Variants in PIP5K1B observed in about 807,000 individuals in gnomAD.
The protein encoded by PIP5K1B is phosphatidylinositol-4-phosphate 5-kinase type 1 beta, also known as phosphatidylinositol 4-phosphate 5-kinase type-1 beta.
In PIP5K1B, 42 loss-of-function variants were observed where a neutral mutation model predicts 67.0. That is an observed-to-expected ratio of 0.63 (90% CI 0.49 to 0.81). PIP5K1B has a LOEUF of 0.81. PIP5K1B is among the 30% of genes least tolerant of loss of function. The probability of loss-of-function intolerance (pLI) is 0.00; values close to 1 mark genes in which losing one functional copy is unlikely to be tolerated. For missense variants in PIP5K1B, 459 were observed against 646.3 expected, an observed-to-expected ratio of 0.71 and a Z score of 3.14; for synonymous variants, 214 against 231.4, an observed-to-expected ratio of 0.92 and a Z score of 0.68.
At chr9:68,807,285 G>C (rs865984112) in intron 2 of PIP5K1B, among the ~76,000 whole-genome samples, 1 of 152,242 alleles carries the variant, frequency 6.6e-6, no homozygotes, top group South Asian at 2.1e-4. Context: ...ATTTACATTT[G>C]TGCCTAGTTT....
chr9:68,739,136 C>A (rs766623642), intron 1 of PIP5K1B, among the ~76,000 whole-genome samples: 4 of 152,182 alleles, frequency 2.6e-5, no homozygotes, highest in African/African-American at 9.6e-5. Context: ...ATCTTTATGA[C>A]CATTTAATTT....
At chr9:68,957,186 A>G (rs1246491851) in intron 14 of PIP5K1B, among the ~76,000 whole-genome samples, 3 of 152,038 alleles carry the variant, frequency 2.0e-5, no homozygotes, top group South Asian at 4.2e-4. Flanking sequence ...ATAGCTTCAG[A>G]CATCACGTCC....
chr9:68,866,958 A>G (rs1240593634), intron 5 of PIP5K1B, among the ~76,000 whole-genome samples: 1 of 152,312 alleles, frequency 6.6e-6, no homozygotes, highest in Non-Finnish European at 1.5e-5. Context: ...AAACCAAAAA[A>G]TCAAATTGAC....
intron 14 of PIP5K1B, among the ~76,000 whole-genome samples, chr9:68,962,005 C>G (rs958543947): frequency 1.3e-5 from 2 of 152,162 alleles, no homozygotes; most frequent in African/African-American, 4.8e-5. Context: ...AATTCTTCAG[C>G]CTTTTGAGAG....
chr9:68,813,841 A>T (rs1160279098), intron 2 of PIP5K1B, among the ~76,000 whole-genome samples: 2 of 152,220 alleles, frequency 1.3e-5, no homozygotes, highest in East Asian at 3.8e-4. Flanking sequence ...GGAAGAATTC[A>T]ATCGAGTCTC....
chr9:68,800,110 T>G (rs1021750685), intron 2 of PIP5K1B, among the ~76,000 whole-genome samples: 1 of 152,216 alleles, frequency 6.6e-6, no homozygotes. Context: ...AAAACATACA[T>G]GAGCCTGGCC....
chr9:68,745,215 G>A (rs1829231517), intron 2 of PIP5K1B, among the ~76,000 whole-genome samples: 2 of 152,294 alleles, frequency 1.3e-5, no homozygotes, highest in African/African-American at 4.8e-5. Context: ...AGGGGGAGAA[G>A]CAGGGAGGGG....
intron 2 of PIP5K1B, among the ~76,000 whole-genome samples, chr9:68,797,812 C>CGTTTTGTTTT (rs61645708): frequency 0.012 from 1,796 of 151,288 alleles, 32 homozygotes; most frequent in African/African-American, 0.035. Flanking sequence ...TCACTGTGCC[C>CGTTTTGTTTT]GTTTTGTTTT....
At chr9:68,936,030 C>CAT (rs1827249415) in intron 13 of PIP5K1B, 2 of 152,280 alleles carry the variant, frequency 1.3e-5, no homozygotes, top group South Asian at 4.1e-4. Context: ...GTGGCTTGTA[C>CAT]ATATACCTTT....
intron 4 of PIP5K1B, among the ~76,000 whole-genome samples, chr9:68,850,548 A>G (rs1245584540): frequency 2.0e-5 from 3 of 152,236 alleles, no homozygotes; most frequent in African/African-American, 7.2e-5. Flanking sequence ...TTGAAGAACA[A>G]CTGCTAAGTA....
intron 5 of PIP5K1B, among the ~76,000 whole-genome samples, chr9:68,866,079 G>A (rs963011455): frequency 6.6e-6 from 1 of 152,134 alleles, no homozygotes; most frequent in African/African-American, 2.4e-5. Context: ...CAGAGGAGTA[G>A]CTAGCTGACT....
At position 68,993,164 on chromosome 9, in the gene PIP5K1B, A is replaced by G. The variant is rs576671704; in HGVS notation, c.1620+1907A>G. On this transcript the variant is annotated intron_variant, in intron 15 of 15. Transcript: ENST00000265382. ...GCGACAGAGCCAGACTCCGTCTCCA[A>G]AAAAAAAAAAGTCCTCCAGGCCCTG... is the stretch of plus-strand genomic sequence containing the variant. Among the ~76,000 whole-genome samples the G allele has an allele frequency of 3.4e-5, 5 of 148,514 alleles. No individual in the cohort carries two copies. In the South Asian group the frequency reaches 1.1e-3, roughly 31 times the overall value.
At chr9:68,790,978 C>G (rs1172700967) in intron 2 of PIP5K1B, among the ~76,000 whole-genome samples, 1 of 152,146 alleles carries the variant, frequency 6.6e-6, no homozygotes, top group Non-Finnish European at 1.5e-5. Context: ...TTTAAGGCAA[C>G]ATGACTGAAA....
chr9:68,774,447 A>G (rs1426517798), intron 2 of PIP5K1B, among the ~76,000 whole-genome samples: 2 of 152,104 alleles, frequency 1.3e-5, no homozygotes, highest in East Asian at 1.9e-4. Flanking sequence ...CTTCCTTCCA[A>G]TTGAAGTACA....
chr9:68,823,553 G>A (rs1320174047), intron 4 of PIP5K1B, among the ~76,000 whole-genome samples: 1 of 152,090 alleles, frequency 6.6e-6, no homozygotes, highest in Non-Finnish European at 1.5e-5. Context: ...ACTTCCTAAT[G>A]TATCTTAACT....
chr9:68,760,988 A>AT (rs2132388069), intron 2 of PIP5K1B, among the ~76,000 whole-genome samples: 1 of 152,198 alleles, frequency 6.6e-6, no homozygotes, highest in South Asian at 2.1e-4. Context: ...TTAGTTTTAT[A>AT]TGTAGCATTT....
At chr9:68,954,145 A>G (rs184425899) in intron 14 of PIP5K1B, among the ~76,000 whole-genome samples, 27 of 152,150 alleles carry the variant, frequency 1.8e-4, no homozygotes, top group African/African-American at 6.5e-4. Flanking sequence ...TTGCCTGGCT[A>G]TATATTTCTT....
At chr9:68,752,212 A>C (rs923903707) in intron 2 of PIP5K1B, among the ~76,000 whole-genome samples, 3 of 152,224 alleles carry the variant, frequency 2.0e-5, no homozygotes, top group Non-Finnish European at 4.4e-5. Flanking sequence ...GTAGGTGCCC[A>C]ATAAATGTTC....
chr9:68,781,070 A>G (rs866688164), intron 2 of PIP5K1B: 5 of 1,573,538 alleles, frequency 3.2e-6, no homozygotes, highest in Middle Eastern at 3.4e-4. Flanking sequence ...GGAGAGAGAG[A>G]ATAATCTAGT....
Sources: allele counts gnomAD v4.1 joint callset (sites outside exome capture counted in the v4.1 genomes callset), GRCh38; gene constraint gnomAD v4.1.1; transcripts MANE v1.5; gene names NCBI Gene and HGNC (gene_info 2026-07-23, HGNC 2026-07-21).